The following TENM3 variants were observed in gnomAD, a reference collection of about 807,000 sequenced individuals.
TENM3 encodes the protein teneurin-3.
TENM3 carries 63 observed loss-of-function variants against 255.1 expected under a neutral mutation model. The observed-to-expected ratio is 0.25, with a 90% CI of 0.20 to 0.30. TENM3 has a LOEUF of 0.30. Ranked by LOEUF, TENM3 falls within the 10% of genes least tolerant of loss-of-function variation. The pLI is 1.00. For missense variants in TENM3, 2,929 were observed against 3,461.1 expected, an observed-to-expected ratio of 0.85 and a Z score of 3.86; for synonymous variants, 1,306 against 1,322.3, an observed-to-expected ratio of 0.99 and a Z score of 0.27.
chr4:182,159,687 C>G (rs1750974470), intron 1 of TENM3, among the ~76,000 whole-genome samples: 1 of 152,124 alleles, frequency 6.6e-6, no homozygotes, highest in Admixed American at 6.5e-5. Context: ...GCGCTCAGCT[C>G]AAGGGGAACG....
the TENM3 span, chr4:181,523,074 G>T: frequency 1.8e-6 from 1 of 555,648 alleles, no homozygotes. Context: ...GTATGAGCAT[G>T]GGACAAAGAC....
intron 1 of TENM3, among the ~76,000 whole-genome samples, chr4:182,217,300 C>T (rs542851884): frequency 3.9e-5 from 6 of 152,140 alleles, no homozygotes; most frequent in South Asian, 4.2e-4. Context: ...GGATTACAGA[C>T]GTGAGCCACC....
chr4:181,879,659 T>G, the TENM3 span, among the ~76,000 whole-genome samples: 1 of 152,200 alleles, frequency 6.6e-6, no homozygotes, highest in Non-Finnish European at 1.5e-5. Context: ...GAGGTAAATT[T>G]TATTTTCTTC....
intron 6 of TENM3, among the ~76,000 whole-genome samples, chr4:182,667,642 G>T (rs13122489): frequency 0.24 from 36,384 of 152,012 alleles, 4,624 homozygotes; most frequent in East Asian, 0.39. Flanking sequence ...TTGACAACGG[G>T]AATAAATAAA....
At chr4:182,093,273 G>A in the TENM3 span, among the ~76,000 whole-genome samples, 2 of 152,122 alleles carry the variant, frequency 1.3e-5, no homozygotes, top group Non-Finnish European at 2.9e-5. Flanking sequence ...AATTGAAGAG[G>A]TTCTCATGAA....
intron 3 of TENM3, among the ~76,000 whole-genome samples, chr4:182,385,379 C>T (rs1353771101): frequency 6.8e-6 from 1 of 146,690 alleles, no homozygotes; most frequent in African/African-American, 2.5e-5. Flanking sequence ...ATTCTCCTGT[C>T]TCAGCCTCCT....
intron 3 of TENM3, among the ~76,000 whole-genome samples, chr4:182,389,962 G>T (rs575145575): frequency 6.6e-6 from 1 of 152,308 alleles, no homozygotes; most frequent in Admixed American, 6.5e-5. Context: ...TGGGATTACA[G>T]GCGTGAGCCA....
the TENM3 span, among the ~76,000 whole-genome samples, chr4:181,770,449 T>C: frequency 5.3e-5 from 8 of 151,746 alleles, no homozygotes; most frequent in South Asian, 1.0e-3. Context: ...CCAAGGTGGG[T>C]GGATCACGAG....
chr4:181,594,280 C>A, the TENM3 span, among the ~76,000 whole-genome samples: 3 of 151,932 alleles, frequency 2.0e-5, no homozygotes, highest in Non-Finnish European at 2.9e-5. Flanking sequence ...TGCTAATTAG[C>A]TTTTTATTTT....
At chr4:181,646,386 G>C in the TENM3 span, among the ~76,000 whole-genome samples, 1 of 152,122 alleles carries the variant, frequency 6.6e-6, no homozygotes, top group African/African-American at 2.4e-5. Flanking sequence ...ACAGAGTGTG[G>C]TGATCTGAAG....
At chr4:182,649,462 A>G (rs1190051729) in intron 5 of TENM3, among the ~76,000 whole-genome samples, 1 of 150,566 alleles carries the variant, frequency 6.6e-6, no homozygotes, top group African/African-American at 2.4e-5. Flanking sequence ...TCACTATTAT[A>G]TTCACCTAGA....
At chr4:181,789,828 G>C in the TENM3 span, among the ~76,000 whole-genome samples, 3 of 152,136 alleles carry the variant, frequency 2.0e-5, no homozygotes, top group Non-Finnish European at 4.4e-5. Context: ...TGGAAGTGCT[G>C]GGAGGATGGC....
the TENM3 span, among the ~76,000 whole-genome samples, chr4:181,955,712 G>A: frequency 3.7e-4 from 57 of 152,116 alleles, no homozygotes; most frequent in Non-Finnish European, 7.4e-4. Context: ...ACGATAGGGA[G>A]CCACTTAACG....
the TENM3 span, among the ~76,000 whole-genome samples, chr4:182,087,810 A>G: frequency 2.6e-5 from 4 of 152,276 alleles, no homozygotes; most frequent in East Asian, 5.8e-4. Context: ...CTTCAAACCA[A>G]TTTCTCCCTA....
chr4:182,371,380 A>C (rs531267344), intron 3 of TENM3, among the ~76,000 whole-genome samples: 2 of 152,262 alleles, frequency 1.3e-5, no homozygotes, highest in African/African-American at 4.8e-5. Flanking sequence ...ATGTGTATCA[A>C]CGCTATGTTA....
the TENM3 span, among the ~76,000 whole-genome samples, chr4:181,840,765 T>C: frequency 3.9e-5 from 6 of 152,114 alleles, no homozygotes; most frequent in Non-Finnish European, 8.8e-5. Flanking sequence ...GTATGAGCCA[T>C]GGGCTTTGAA....
At chr4:181,655,354 C>T in the TENM3 span, among the ~76,000 whole-genome samples, 1 of 152,094 alleles carries the variant, frequency 6.6e-6, no homozygotes, top group African/African-American at 2.4e-5. Flanking sequence ...AGAAAAGAGT[C>T]GGAGGCTAAG....
At chr4:181,958,629 T>C in the TENM3 span, among the ~76,000 whole-genome samples, 955 of 152,270 alleles carry the variant, frequency 6.3e-3, 3 homozygotes, top group Non-Finnish European at 0.01. Flanking sequence ...TGGAAACTGC[T>C]TCACAGAATG....
At chr4:181,466,118 T>TCTTTC in the TENM3 span, among the ~76,000 whole-genome samples, 3 of 128,762 alleles carry the variant, frequency 2.3e-5, no homozygotes, top group Non-Finnish European at 4.8e-5. Context: ...GAATTTTTTT[T>TCTTTC]TTTGTTTTGT....
Sources: gnomAD v4.1 joint callset for allele counts (sites outside exome capture counted in the v4.1 genomes callset) on GRCh38, gnomAD v4.1.1 for gene constraint, MANE v1.5 for transcripts, NCBI Gene and HGNC (gene_info 2026-07-23, HGNC 2026-07-21) for gene names.